Variants in ASAP3 observed in about 807,000 individuals in gnomAD.
ASAP3 encodes the protein arf-GAP with SH3 domain, ANK repeat and PH domain-containing protein 3.
A neutral mutation model predicts 118.2 loss-of-function variants in ASAP3; 85 were observed. The ratio of observed to expected loss-of-function variants is 0.72; its 90% CI spans 0.60 to 0.86. The LOEUF is 0.86. Among genes scored for constraint, ASAP3 ranks in the 40% least tolerant of loss-of-function variants. The probability of loss-of-function intolerance (pLI) is 0.00; values close to 1 mark genes in which losing one functional copy is unlikely to be tolerated. For synonymous variants in ASAP3, 432 were observed against 477.4 expected, an observed-to-expected ratio of 0.90 and a Z score of 1.24; for missense variants, 1,026 against 1,175.0, an observed-to-expected ratio of 0.87 and a Z score of 1.85.
At chr1:23,457,982 C>T (rs183945968) in intron 1 of ASAP3, among the ~76,000 whole-genome samples, 1 of 152,300 alleles carries the variant, frequency 6.6e-6, no homozygotes, top group Non-Finnish European at 1.5e-5. Context: ...CACCTGTGAT[C>T]GTTATCATCA....
intron 10 of ASAP3, among the ~76,000 whole-genome samples, chr1:23,439,435 A>G (rs16828494): frequency 0.035 from 5,339 of 152,166 alleles, 281 homozygotes; most frequent in African/African-American, 0.12. Flanking sequence ...GCTCTTAGGA[A>G]GATGCCAGTC....
intron 5 of ASAP3, among the ~76,000 whole-genome samples, chr1:23,444,251 T>C (rs976843532): frequency 3.3e-5 from 5 of 152,178 alleles, no homozygotes; most frequent in Admixed American, 6.5e-5. Context: ...CCCTCAGAGG[T>C]TGGCTGTTTT....
intron 4 of ASAP3, among the ~76,000 whole-genome samples, chr1:23,452,227 C>T (rs946096102): frequency 3.9e-5 from 6 of 152,204 alleles, no homozygotes; most frequent in Non-Finnish European, 8.8e-5. Flanking sequence ...CCTGGGCCGT[C>T]TGGGGCAGAT....
In ASAP3 at chr1:23,442,204, A is replaced by G. The variant is rs1243455932; in HGVS notation, c.653T>C (p.Phe218Ser). 5.0e-6 allele frequency: 8 copies of G among 1,603,976 alleles called. No homozygotes were observed. The highest frequency in any genetic ancestry group is 6.0e-6 in the Non-Finnish European group (7 of 1,176,106). Residue 218 changes from phenylalanine (F) to serine (S), a missense_variant, in exon 7 of 25, where the codon TTC (phenylalanine) becomes TCC (serine). By Grantham distance (155) the Phe-to-Ser change is radical. Transcript: ENST00000336689. ...TACCTACTTGTGCTGGGCGTGGAAG[A>G]ACTTGATGAGGCTCTGAAGGAAGTC... ...GPDFLQSLIK[F>S]FHAQHNFFQD...
At position 23,455,909 on chromosome 1, in the gene ASAP3, C is replaced by A. The variant is rs138253513; in HGVS notation, c.320G>T (p.Arg107Leu). ...TGFLNLAVFT[R>L]EVAALFKNLI... ...GTTCTTGAAGAGCGCAGCAACCTCG[C>A]GGGTGAACACGGCCAAGTTTAGGAA... The change falls in exon 3 of 25, where the codon CGC (arginine) becomes CTC (leucine). Residue 107 changes from arginine to leucine, a missense_variant. Physicochemically the swap from Arg to Leu is moderately radical, Grantham distance 102. Transcript: ENST00000336689. The A allele has an allele frequency of 6.2e-7, 1 of 1,613,996 alleles. No individual in the cohort carries two copies.
Position 23,442,176 on chromosome 1 carries a change from A to G in ASAP3, c.671+10T>C. 6.3e-7 allele frequency: 1 copy of G among 1,590,932 alleles called. No homozygotes were observed. ...AAGGGTTAGTGGCAGGGACGCGGGA[A>G]GATACCTACTTGTGCTGGGCGTGGA... On this transcript the variant is annotated intron_variant, in intron 7 of 24. Transcript: ENST00000336689.
intron 7 of ASAP3, 152 bp from the exon 8 acceptor site, chr1:23,441,882 C>A: frequency 1.3e-6 from 1 of 799,884 alleles, no homozygotes; most frequent in Non-Finnish European, 2.0e-6. Context: ...AGACAAGAGT[C>A]TCTCTTGACT....
intron 1 of ASAP3, among the ~76,000 whole-genome samples, chr1:23,479,447 C>T (rs1012859989): frequency 3.9e-5 from 6 of 152,094 alleles, no homozygotes; most frequent in African/African-American, 1.4e-4. Context: ...TCTTCTCTGA[C>T]GATCAAAAAA....
chr1:23,469,325 A>G (rs1390816439), intron 1 of ASAP3, among the ~76,000 whole-genome samples: 1 of 152,182 alleles, frequency 6.6e-6, no homozygotes, highest in Non-Finnish European at 1.5e-5. Context: ...AATAACAATA[A>G]TAATAAATAA....
chr1:23,466,769 A>G (rs758378133), intron 1 of ASAP3, among the ~76,000 whole-genome samples: 52 of 152,346 alleles, frequency 3.4e-4, no homozygotes, highest in Admixed American at 2.9e-3. Flanking sequence ...TGGGAGATAC[A>G]GATTACATTT....
chr1:23,469,202 G>A (rs1166577327), intron 1 of ASAP3, among the ~76,000 whole-genome samples: 1 of 151,936 alleles, frequency 6.6e-6, no homozygotes. Flanking sequence ...AGCCACTTGG[G>A]AAGCTAAGGT....
At chr1:23,463,087 G>A (rs1016018594) in intron 1 of ASAP3, among the ~76,000 whole-genome samples, 1 of 152,150 alleles carries the variant, frequency 6.6e-6, no homozygotes, top group African/African-American at 2.4e-5. Flanking sequence ...ACAAGGACAG[G>A]AACATAGTTC....
chr1:23,439,732 T>A (rs1640797892), intron 10 of ASAP3, among the ~76,000 whole-genome samples: 2 of 152,230 alleles, frequency 1.3e-5, no homozygotes, highest in Non-Finnish European at 2.9e-5. Flanking sequence ...TTCAAAGTTA[T>A]TCTTCTCCGA....
At position 23,434,291 on chromosome 1, in the gene ASAP3, G is replaced by A. The variant is rs755455409; in HGVS notation, c.1914C>T (p.Leu638=). The A allele has an allele frequency of 6.2e-7, 1 of 1,614,198 alleles. No individual in the cohort carries two copies. The highest frequency in any genetic ancestry group is 1.1e-5 in the South Asian group (1 of 91,080). ...YAALYNQPDC[L]KLLLKGRALV... ...AAGCTCTCCCCTTCAGCAGCAGCTTGAGGCAGTCGGGCTGGTTGTAGAGTG... is the reference window on the plus strand; with the variant it reads ...AAGCTCTCCCCTTCAGCAGCAGCTTAAGGCAGTCGGGCTGGTTGTAGAGTG... Residue 638 remains leucine (L), a synonymous_variant, in exon 19 of 25, where the codon CTC becomes CTT. Transcript: ENST00000336689.
chr1:23,452,510 G>A (rs1479898792), intron 4 of ASAP3, among the ~76,000 whole-genome samples, 187 bp downstream of exon 4: 3 of 152,082 alleles, frequency 2.0e-5, no homozygotes, highest in African/African-American at 2.4e-5. Context: ...AAGGGGCCTG[G>A]CAGACAGCAG....
At chr1:23,477,009 A>T (rs2811980) in intron 1 of ASAP3, among the ~76,000 whole-genome samples, 10,059 of 151,756 alleles carry the variant, frequency 0.066, 1,059 homozygotes, top group African/African-American at 0.22. Context: ...GACAAATTAG[A>T]TCTTAATAAA....
chr1:23,471,129 G>A (rs541184387), intron 1 of ASAP3, among the ~76,000 whole-genome samples: 1 of 152,280 alleles, frequency 6.6e-6, no homozygotes, highest in Admixed American at 6.5e-5. Context: ...ATCCATCACT[G>A]GTCCCTTAAA....
rs145126828 is a variant in ASAP3, at chr1:23,430,008, C to G, written c.2638-78G>C. On this transcript the variant is annotated intron_variant, in intron 24 of 24. Transcript: ENST00000336689. The stretch of plus-strand genomic sequence containing the variant: ...GTGTTCATCTCACTCAGTTTCACAT[C>G]TGTCCTATTGTAGATAAATTAAATT... 680 of 1,206,990 alleles carry G rather than the reference C, an allele frequency of 5.6e-4. 2 individuals are homozygous for G. The African/African-American group carries it at 9.2e-3, about 16-fold the overall frequency. The allele number at this position is 1,206,990 out of a possible 1,614,324, so 74.8% of individuals were successfully genotyped here.
intron 19 of ASAP3, 121 bp from the exon 20 acceptor site, chr1:23,433,814 G>T: frequency 7.6e-7 from 1 of 1,310,174 alleles, no homozygotes; most frequent in Non-Finnish European, 1.1e-6. Context: ...CCATTTTCTG[G>T]CTATGTGACC....
Sources: gnomAD v4.1 joint callset for allele counts (sites outside exome capture counted in the v4.1 genomes callset) on GRCh38, gnomAD v4.1.1 for gene constraint, MANE v1.5 for transcripts, NCBI Gene and HGNC (gene_info 2026-07-23, HGNC 2026-07-21) for gene names.